The following GRIP1 variants were observed in gnomAD, a reference collection of about 807,000 sequenced individuals.
The protein encoded by GRIP1 is glutamate receptor interacting protein 1, also known as glutamate receptor-interacting protein 1.
GRIP1 carries 45 observed loss-of-function variants against 129.9 expected under a neutral mutation model. The observed-to-expected ratio is 0.35, with a 90% CI of 0.27 to 0.44. GRIP1 has a LOEUF of 0.44. GRIP1 is among the 20% of genes least tolerant of loss of function. GRIP1 has a pLI of 1.00. For missense variants in GRIP1, 1,196 were observed against 1,396.8 expected, an observed-to-expected ratio of 0.86 and a Z score of 2.29; for synonymous variants, 530 against 520.8, an observed-to-expected ratio of 1.02 and a Z score of -0.24.
At chr12:66,936,047 G>A (rs2041478433) in intron 1 of GRIP1, among the ~76,000 whole-genome samples, 1 of 152,106 alleles carries the variant, frequency 6.6e-6, no homozygotes, top group Non-Finnish European at 1.5e-5. Context: ...CAAAAACTCT[G>A]AACACCAAGT....
chr12:66,947,171 A>G (rs979080081), intron 1 of GRIP1, among the ~76,000 whole-genome samples: 6 of 152,162 alleles, frequency 3.9e-5, no homozygotes, highest in African/African-American at 1.4e-4. Flanking sequence ...CGCTTTTATC[A>G]TATAATGGCT....
In GRIP1 at chr12:66,973,919, C is replaced by CTTTTTTTTTTTTT. The variant is rs535699240; in HGVS notation, c.58+95118_58+95130dup. Among the ~76,000 whole-genome samples the CTTTTTTTTTTTTT allele has an allele frequency of 1.6e-3, 189 of 121,252 alleles. 1 individual carries two copies. Among genetic ancestry groups the CTTTTTTTTTTTTT allele is most frequent in the Non-Finnish European group, 2.4e-3 (142 of 59,776 alleles). 79.5% of individuals were successfully genotyped at this position (121,252 alleles called of 152,430 possible). The stretch of plus-strand genomic sequence containing the variant: ...AGTTAGAAGGCTTTTCTTTTCTTTT[C>CTTTTTTTTTTTTT]TTTTTTTTTTTTTTTTTTGAGTCAG... On this transcript the variant is annotated intron_variant, in intron 1 of 1. Transcript: ENST00000643019.
chr12:66,861,975 T>G (rs1039456986), intron 1 of GRIP1, among the ~76,000 whole-genome samples: 1 of 152,128 alleles, frequency 6.6e-6, no homozygotes, highest in South Asian at 2.1e-4. Flanking sequence ...GTACTCAGTC[T>G]AGTCACAAGA....
At chr12:67,068,423 C>T (rs1652549015) in intron 1 of GRIP1, among the ~76,000 whole-genome samples, 1 of 152,110 alleles carries the variant, frequency 6.6e-6, no homozygotes, top group African/African-American at 2.4e-5. Flanking sequence ...AACTCATCTC[C>T]AAGCAGTCAC....
intron 2 of GRIP1, among the ~76,000 whole-genome samples, chr12:66,583,242 A>T (rs1403948851): frequency 6.6e-6 from 1 of 151,148 alleles, no homozygotes; most frequent in Non-Finnish European, 1.5e-5. Context: ...CTTACACCTT[A>T]CACAAAAATT....
chr12:66,871,974 T>C (rs2040304038), intron 1 of GRIP1, among the ~76,000 whole-genome samples: 1 of 152,090 alleles, frequency 6.6e-6, no homozygotes, highest in Non-Finnish European at 1.5e-5. Context: ...CTTCTGTTTG[T>C]CTTCTTTTAA....
intron 9 of GRIP1, among the ~76,000 whole-genome samples, chr12:66,457,748 GA>G (rs968488824): frequency 7.3e-5 from 11 of 151,218 alleles, no homozygotes; most frequent in African/African-American, 2.4e-4. Flanking sequence ...AACAGGACAT[GA>G]AAAAAAAAGC....
chr12:66,757,688 G>A (rs1192326827), intron 1 of GRIP1, among the ~76,000 whole-genome samples: 2 of 152,118 alleles, frequency 1.3e-5, no homozygotes, highest in African/African-American at 4.8e-5. Flanking sequence ...CTCCATAGTG[G>A]TTGTACTAAT....
intron 7 of GRIP1, among the ~76,000 whole-genome samples, chr12:66,491,734 T>C (rs2060109563): frequency 6.6e-6 from 1 of 152,126 alleles, no homozygotes; most frequent in Non-Finnish European, 1.5e-5. Flanking sequence ...CTTTAAAAAG[T>C]GTAAATAGCA....
chr12:66,682,192 A>G (rs1391848835), upstream of GRIP1, among the ~76,000 whole-genome samples: 1 of 152,196 alleles, frequency 6.6e-6, no homozygotes, highest in Admixed American at 6.5e-5. Flanking sequence ...CTTTAAGTGC[A>G]GTTATCTTTT....
At chr12:66,722,990 A>C (rs1016077999) in intron 1 of GRIP1, among the ~76,000 whole-genome samples, 3 of 151,878 alleles carry the variant, frequency 2.0e-5, no homozygotes, top group Admixed American at 2.0e-4. Context: ...TCAATAAAGC[A>C]AAACAAAACA....
At chr12:66,890,085 T>C (rs1156807679) in intron 1 of GRIP1, among the ~76,000 whole-genome samples, 1 of 152,092 alleles carries the variant, frequency 6.6e-6, no homozygotes, top group East Asian at 1.9e-4. Context: ...TGTGCCACCA[T>C]GCCTGGCTAA....
intron 1 of GRIP1, among the ~76,000 whole-genome samples, chr12:66,924,945 G>A (rs759389781): frequency 7.8e-4 from 119 of 152,198 alleles, no homozygotes; most frequent in Non-Finnish European, 2.2e-4. Flanking sequence ...ACTCTAGCCT[G>A]GGCGACAGAG....
intron 1 of GRIP1, among the ~76,000 whole-genome samples, chr12:66,778,672 A>G (rs914582877): frequency 6.6e-6 from 1 of 152,230 alleles, no homozygotes; most frequent in Admixed American, 6.6e-5. Flanking sequence ...TCTTGCACAG[A>G]AAAACACAAA....
chr12:66,615,664 C>A (rs994089513), intron 1 of GRIP1, among the ~76,000 whole-genome samples: 2 of 152,076 alleles, frequency 1.3e-5, no homozygotes, highest in Admixed American at 6.5e-5. Context: ...ATTTTTGAAA[C>A]GGAGTTTCAC....
intron 19 of GRIP1, among the ~76,000 whole-genome samples, chr12:66,387,898 C>G (rs1171988752): frequency 3.9e-5 from 6 of 152,172 alleles, no homozygotes; most frequent in African/African-American, 1.4e-4. Context: ...TAAAGTTGGA[C>G]TCTGACTGCA....
At chr12:66,670,373 C>T (rs2034019605) in intron 1 of GRIP1, among the ~76,000 whole-genome samples, 1 of 152,176 alleles carries the variant, frequency 6.6e-6, no homozygotes, top group Non-Finnish European at 1.5e-5. Flanking sequence ...AACATTCCTT[C>T]CAGTCTATGC....
intron 1 of GRIP1, among the ~76,000 whole-genome samples, chr12:66,921,538 A>C (rs1252592507): frequency 6.6e-6 from 1 of 152,184 alleles, no homozygotes; most frequent in South Asian, 2.1e-4. Context: ...CTAGTACTGC[A>C]GGCTCCTGCT....
chr12:66,961,259 C>T (rs538327474), intron 1 of GRIP1, among the ~76,000 whole-genome samples: 6 of 151,622 alleles, frequency 4.0e-5, no homozygotes, highest in East Asian at 3.9e-4. Flanking sequence ...CCAGGGGAGA[C>T]GGGTGTCAGG....
Sources: allele counts gnomAD v4.1 joint callset (sites outside exome capture counted in the v4.1 genomes callset), GRCh38; gene constraint gnomAD v4.1.1; transcripts MANE v1.5; gene names NCBI Gene and HGNC (gene_info 2026-07-23, HGNC 2026-07-21).